ACER2: variants seen among roughly 807,000 people sequenced by gnomAD.
The protein encoded by ACER2 is alkCDase 2.
A neutral mutation model predicts 34.7 loss-of-function variants in ACER2; 26 were observed. The ratio of observed to expected loss-of-function variants is 0.75; its 90% CI spans 0.55 to 1.04. The LOEUF is 1.04. ACER2 is among the 50% of genes least tolerant of loss of function. ACER2 has a pLI of 0.00. For synonymous variants in ACER2, 138 were observed against 132.1 expected, an observed-to-expected ratio of 1.04 and a Z score of -0.31; for missense variants, 352 against 340.8, an observed-to-expected ratio of 1.03 and a Z score of -0.26.
At chr9:19,438,348 C>G (rs976253259) in intron 4 of ACER2, among the ~76,000 whole-genome samples, 5 of 152,218 alleles carry the variant, frequency 3.3e-5, no homozygotes, top group Admixed American at 2.0e-4. Flanking sequence ...GCTAAATCAT[C>G]TGCTTCTTCC....
intron 3 of ACER2, among the ~76,000 whole-genome samples, chr9:19,426,688 G>A (rs2047778124): frequency 6.6e-6 from 1 of 151,694 alleles, no homozygotes; most frequent in African/African-American, 2.4e-5. Context: ...CTTGATTCTT[G>A]GAGGTAGGGG....
chr9:19,429,714 C>A (rs1830690668), intron 3 of ACER2, among the ~76,000 whole-genome samples: 1 of 152,214 alleles, frequency 6.6e-6, no homozygotes, highest in South Asian at 2.1e-4. Flanking sequence ...TTTTTTGAAT[C>A]TTGAATAGCA....
rs1831565234 is a variant in ACER2 at position 19,451,421 on chromosome 9, G to T, written c.*785G>T. 1.3e-5 allele frequency: 2 copies of T among 152,624 alleles called. No homozygotes were observed. The highest frequency in any genetic ancestry group is 4.1e-4 in the South Asian group (2 of 4,820). The allele number at this position is 152,624 out of a possible 1,614,324, so 9.5% of individuals were successfully genotyped here. ...CACTTGCATTTCTCAACTAACCCAG[G>T]TTTTACATGCATCTGTGAATCCTTT... On this transcript the variant is annotated 3_prime_UTR_variant, in exon 6 of 6. Transcript: ENST00000340967.
At chr9:19,412,664 A>G (rs1161702201) in intron 1 of ACER2, among the ~76,000 whole-genome samples, 1 of 151,806 alleles carries the variant, frequency 6.6e-6, no homozygotes, top group African/African-American at 2.4e-5. Flanking sequence ...CTCAAAAAAA[A>G]AAAAAAAAAA....
chr9:19,423,847 AT>A lies in ACER2; in HGVS notation c.109-8del, dbSNP rs762649678. ...CTTAATACTCATCTTTCTGTTTTAC[AT>A]TTTTTTCCTGCAGATCAGCAATGTC... On this transcript the variant is annotated splice_polypyrimidine_tract_variant and intron_variant, in intron 1 of 5. Coordinates refer to ENST00000340967, the MANE Select transcript of ACER2 (RefSeq NM_001010887.3). 6 of 1,600,748 alleles carry A rather than the reference AT, an allele frequency of 3.7e-6. No individual in the cohort carries two copies. Among genetic ancestry groups the A allele is most frequent in the Middle Eastern group, 1.7e-4 (1 of 5,816 alleles).
intron 1 of ACER2, among the ~76,000 whole-genome samples, chr9:19,417,573 A>C (rs1462643544): frequency 2.6e-5 from 4 of 152,228 alleles, no homozygotes; most frequent in Non-Finnish European, 5.9e-5. Context: ...CACATCTACA[A>C]CCATCTGATC....
At chr9:19,428,015 TTCCTTTCC>T (rs1199009310) in intron 3 of ACER2, among the ~76,000 whole-genome samples, 5 of 68,040 alleles carry the variant, frequency 7.3e-5, no homozygotes, top group African/African-American at 1.8e-4. Context: ...CCTTTTTCCT[TTCCTTTCC>T]TTTCCTTTCC....
chr9:19,449,102 C>T (rs996257548), intron 5 of ACER2, among the ~76,000 whole-genome samples: 3 of 152,146 alleles, frequency 2.0e-5, no homozygotes, highest in Non-Finnish European at 4.4e-5. Context: ...TGTACTCTAG[C>T]CTGAGCAACA....
chr9:19,450,580 G>A lies in ACER2; in HGVS notation c.772G>A (p.Val258Ile), dbSNP rs1333695118. Residue 258 changes from valine (V) to isoleucine (I), a missense_variant, in exon 6 of 6, where the codon GTC becomes ATC. By Grantham distance (29) the Val-to-Ile change is conservative. Transcript: ENST00000340967. ...WPNEKWAFIG[V>I]PYVSLLCANK... ...CAATGAGAAATGGGCCTTCATTGGT[G>A]TCCCCTATGTGTCCCTCCTGTGTGC... 7 of 1,605,420 alleles carry A rather than the reference G, an allele frequency of 4.4e-6. No homozygotes were observed. The highest frequency in any genetic ancestry group is 3.3e-5 in the Admixed American group (2 of 59,924).
At chr9:19,430,470 G>C (rs1830717790) in intron 3 of ACER2, among the ~76,000 whole-genome samples, 2 of 152,134 alleles carry the variant, frequency 1.3e-5, no homozygotes, top group Admixed American at 1.3e-4. Flanking sequence ...GATATTTCTA[G>C]CTCTCTTGTA....
intron 4 of ACER2, among the ~76,000 whole-genome samples, chr9:19,443,343 T>G (rs1831222591): frequency 6.6e-6 from 1 of 152,072 alleles, no homozygotes; most frequent in Non-Finnish European, 1.5e-5. Context: ...ATTTATTGTG[T>G]TTTTAGTAGA....
chr9:19,430,917 C>T (rs1830734166), intron 3 of ACER2, among the ~76,000 whole-genome samples: 1 of 151,954 alleles, frequency 6.6e-6, no homozygotes, highest in African/African-American at 2.4e-5. Flanking sequence ...GAGATCGCAC[C>T]ACTGCTCTCC....
intron 3 of ACER2, among the ~76,000 whole-genome samples, chr9:19,434,462 C>G (rs1277080514): frequency 6.6e-6 from 1 of 152,264 alleles, no homozygotes; most frequent in African/African-American, 2.4e-5. Context: ...GATCACGCCA[C>G]TGCACTCCAG....
At chr9:19,415,667 A>C (rs1830221352) in intron 1 of ACER2, among the ~76,000 whole-genome samples, 1 of 152,210 alleles carries the variant, frequency 6.6e-6, no homozygotes, top group Non-Finnish European at 1.5e-5. Context: ...GTGGAAATAT[A>C]ACCCAAGAAA....
chr9:19,445,504 G>A (rs1463379539), intron 4 of ACER2, among the ~76,000 whole-genome samples: 2 of 152,192 alleles, frequency 1.3e-5, no homozygotes, highest in African/African-American at 4.8e-5. Context: ...CCTGGGAGGT[G>A]GAGACAGGTG....
At chr9:19,425,156 A>C (rs1448515427) in intron 3 of ACER2, among the ~76,000 whole-genome samples, 5 of 152,222 alleles carry the variant, frequency 3.3e-5, no homozygotes, top group African/African-American at 1.2e-4. Flanking sequence ...ATGCTTATTC[A>C]ATACTCTTTG....
rs80181249 is a variant in ACER2, at chr9:19,427,051, C to G, written c.365+2210C>G. 4.3e-3 allele frequency among the ~76,000 whole-genome samples: 652 copies of G among 152,292 alleles called. 5 individuals are homozygous for G. The highest frequency in any genetic ancestry group is 0.015 in the African/African-American group (628 of 41,560). On this transcript the variant is annotated intron_variant, in intron 3 of 5. Coordinates refer to ENST00000340967, the MANE Select transcript of ACER2 (RefSeq NM_001010887.3). Reference sequence around the variant, plus strand: ...GTACCATATGTGTATATATCCCTGGCTTTGGAAGCAATCTGGGTTTGAATC... The same window carrying G: ...GTACCATATGTGTATATATCCCTGGGTTTGGAAGCAATCTGGGTTTGAATC...
At position 19,441,206 on chromosome 9, in the gene ACER2, T is replaced by C. The variant is rs147174775; in HGVS notation, c.504-5075T>C. On this transcript the variant is annotated intron_variant, in intron 4 of 5. Transcript: ENST00000340967. ...CTGGGACCACAGGCATGTGCCACCA[T>C]GCCTGGCTACTTTTTCGTATTTTTA... 4.2e-4 allele frequency among the ~76,000 whole-genome samples: 64 copies of C among 152,140 alleles called. 1 individual carries two copies. The highest frequency in any genetic ancestry group is 3.9e-3 in the East Asian group (20 of 5,158).
chr9:19,426,800 G>A (rs1830584729), intron 3 of ACER2, among the ~76,000 whole-genome samples: 1 of 152,030 alleles, frequency 6.6e-6, no homozygotes. Context: ...GGTGGTGCAC[G>A]CCTGTAGTCC....
Sources: allele counts gnomAD v4.1 joint callset (sites outside exome capture counted in the v4.1 genomes callset), GRCh38; gene constraint gnomAD v4.1.1; transcripts MANE v1.5; gene names NCBI Gene and HGNC (gene_info 2026-07-23, HGNC 2026-07-21).